Variants in LTBP2 observed in about 807,000 individuals in gnomAD.
LTBP2 encodes latent transforming growth factor beta binding protein 2.
In LTBP2, 103 loss-of-function variants were observed where a neutral mutation model predicts 210.6. That is an observed-to-expected ratio of 0.49 (90% confidence interval 0.42 to 0.58). LTBP2 has a LOEUF of 0.58. Among genes scored for constraint, LTBP2 ranks in the 20% least tolerant of loss-of-function variants. The pLI is 0.00. For synonymous variants in LTBP2, 1,007 were observed against 1,015.0 expected (o/e 0.99, Z 0.15); for missense variants, 2,313 against 2,494.5 (o/e 0.93, Z 1.55).
Position 74,516,795 on chromosome 14 carries a change from G to A in LTBP2, c.2908+27C>T, listed in dbSNP as rs751078040. ...GGACAGGTGGGTGGTGGGGTGGCAG[G>A]GCGCTTCCCTCCTTCCCGTTCCTTA... On this transcript the variant is annotated intron_variant, in intron 18 of 35. Coordinates refer to ENST00000261978, the MANE Select transcript of LTBP2 (RefSeq NM_000428.3). The A allele has an allele frequency of 2.5e-5, 39 of 1,550,472 alleles. No individual in the cohort carries two copies. The African/African-American group carries it at 4.7e-4, about 19-fold the overall frequency.
At chr14:74,548,794 CACTATT>C (rs1230728309) in intron 8 of LTBP2, among the ~76,000 whole-genome samples, 1 of 152,148 alleles carries the variant, frequency 6.6e-6, no homozygotes, top group African/African-American at 2.4e-5. Context: ...ACGAGGCTGG[CACTATT>C]ACTATCTCCA....
rs2086933344 is a variant in LTBP2 at position 74,503,124 on chromosome 14, C to A, written c.4888+95G>T. The A allele has an allele frequency of 9.0e-6, 14 of 1,562,668 alleles. No individual in the cohort carries two copies. In the South Asian group the frequency reaches 1.5e-4, roughly 16 times the overall value. On this transcript the variant is annotated intron_variant, in intron 33 of 35. Transcript: ENST00000261978. Reference sequence around the variant, plus strand: ...GATGGAAGACAGGGCCTTTGCTCTGCTCCTTCTTTCTAGATCCCCAGTTCC... The same window carrying A: ...GATGGAAGACAGGGCCTTTGCTCTGATCCTTCTTTCTAGATCCCCAGTTCC...
intron 15 of LTBP2, among the ~76,000 whole-genome samples, chr14:74,524,080 C>T (rs1290824777): frequency 6.6e-6 from 1 of 151,888 alleles, no homozygotes; most frequent in East Asian, 1.9e-4. Context: ...GCTGGGGTTG[C>T]GGTGGGGACA....
At chr14:74,592,276 C>T (rs1003659670) in intron 2 of LTBP2, among the ~76,000 whole-genome samples, 4 of 152,186 alleles carry the variant, frequency 2.6e-5, no homozygotes, top group Non-Finnish European at 5.9e-5. Flanking sequence ...CCATGCGGTG[C>T]TGTGGGAATT....
intron 13 of LTBP2, among the ~76,000 whole-genome samples, chr14:74,526,582 A>G (rs1020265513): frequency 1.3e-5 from 2 of 152,236 alleles, no homozygotes; most frequent in Admixed American, 1.3e-4. Context: ...ATGTAACAGC[A>G]GAAGAGTGGG....
intron 8 of LTBP2, among the ~76,000 whole-genome samples, chr14:74,539,901 G>A (rs1429517829): frequency 6.6e-6 from 1 of 152,228 alleles, no homozygotes; most frequent in African/African-American, 2.4e-5. Context: ...CTGGATACAT[G>A]TATGTGCTTT....
At position 74,559,172 on chromosome 14, in the gene LTBP2, G is replaced by C. The variant is rs191970139; in HGVS notation, c.831-3479C>G. ...CAAGCAAATAAGAAAACATGACTGG[G>C]CCACTTAAAGTTCTTCTTTAAGGGA... On this transcript the variant is annotated intron_variant, in intron 3 of 35. Transcript: ENST00000261978. Among the ~76,000 whole-genome samples, 293 of 152,298 alleles carry C rather than the reference G, an allele frequency of 1.9e-3. 3 individuals carry two copies. The highest frequency in any genetic ancestry group is 6.4e-3 in the African/African-American group (266 of 41,544).
At position 74,501,041 on chromosome 14, in the gene LTBP2, CAAAGG is replaced by C. The variant is rs1198351700; in HGVS notation, c.5321-17_5321-13del. On this transcript the variant is annotated splice_polypyrimidine_tract_variant and intron_variant, in intron 35 of 35. Transcript: ENST00000261978. ...ACACTCATTCACATCTAAGAGGAAACAAAGGAGAGTGCTGTAGGGAGCCCAGGTGC... is the reference window on the plus strand; with the variant it reads ...ACACTCATTCACATCTAAGAGGAAACAGAGTGCTGTAGGGAGCCCAGGTGC... 1 of 1,611,680 alleles carries C rather than the reference CAAAGG, an allele frequency of 6.2e-7. No homozygotes were observed.
chr14:74,542,419 G>A (rs1218016317), intron 8 of LTBP2, among the ~76,000 whole-genome samples: 2 of 152,264 alleles, frequency 1.3e-5, no homozygotes, highest in East Asian at 3.8e-4. Flanking sequence ...CTGTGGAGGA[G>A]AAAGTGAAGA....
intron 19 of LTBP2, 53 bp from the exon 20 acceptor site, chr14:74,510,266 C>A: frequency 6.2e-7 from 1 of 1,607,434 alleles, no homozygotes; most frequent in South Asian, 1.1e-5. Context: ...ATCCTGCAGC[C>A]CCCGCTGGCA....
intron 2 of LTBP2, among the ~76,000 whole-genome samples, chr14:74,591,560 C>T (rs1265626628): frequency 6.6e-6 from 1 of 152,220 alleles, no homozygotes; most frequent in Non-Finnish European, 1.5e-5. Flanking sequence ...CAGCTCTCGC[C>T]GGCTTCACTC....
At chr14:74,504,527 C>T (rs1275067895) in intron 30 of LTBP2, among the ~76,000 whole-genome samples, 4 of 152,218 alleles carry the variant, frequency 2.6e-5, no homozygotes, top group African/African-American at 9.7e-5. Context: ...GTCAAGGCAT[C>T]ATAGTTTGTT....
chr14:74,598,846 C>T (rs563623803), intron 2 of LTBP2, among the ~76,000 whole-genome samples: 1 of 152,308 alleles, frequency 6.6e-6, no homozygotes, highest in Non-Finnish European at 1.5e-5. Context: ...TGTCTACACA[C>T]ATTTACTCAT....
intron 3 of LTBP2, among the ~76,000 whole-genome samples, chr14:74,574,886 A>G (rs764428981): frequency 2.0e-5 from 3 of 152,232 alleles, no homozygotes; most frequent in Non-Finnish European, 4.4e-5. Flanking sequence ...GGAAGTGTGT[A>G]GAAAGCAGAC....
chr14:74,570,019 G>T (rs921957946), intron 3 of LTBP2, among the ~76,000 whole-genome samples: 6 of 152,182 alleles, frequency 3.9e-5, no homozygotes, highest in African/African-American at 1.4e-4. Context: ...ACCAGAAGTG[G>T]CTGGAGAGCT....
At chr14:74,574,360 C>A (rs923644107) in intron 3 of LTBP2, among the ~76,000 whole-genome samples, 3 of 152,168 alleles carry the variant, frequency 2.0e-5, no homozygotes, top group Non-Finnish European at 2.9e-5. Flanking sequence ...CTCTGGGGAA[C>A]CTCTGCACCC....
intron 3 of LTBP2, among the ~76,000 whole-genome samples, chr14:74,562,330 G>T (rs1163017315): frequency 6.6e-6 from 1 of 152,178 alleles, no homozygotes; most frequent in Non-Finnish European, 1.5e-5. Context: ...AGATTAGAGG[G>T]GAGAGGGGGG....
At chr14:74,551,901 G>A (rs376917789) in intron 6 of LTBP2, among the ~76,000 whole-genome samples, 4 of 152,134 alleles carry the variant, frequency 2.6e-5, no homozygotes, top group African/African-American at 9.7e-5. Context: ...TATTACCCAG[G>A]CCCATGGATT....
At position 74,507,241 on chromosome 14, in the gene LTBP2, G is replaced by A. The variant is rs778931744; in HGVS notation, c.3845C>T (p.Ser1282Phe). Residue 1282 changes from serine to phenylalanine, a missense_variant, in exon 26 of 36, where the codon TCC (serine) becomes TTC (phenylalanine). By Grantham distance (155) the Ser-to-Phe change is radical. This residue lies in a region of LTBP2 where 1,867 missense variants were observed against 1,976.9 expected (regional missense o/e 0.94). Transcript: ENST00000261978. The part of the protein sequence containing the change: ...GTWKCENSPG[S>F]YRCVLGCQPG... ...CTGGCAGCCCAGAACACAGCGGTAGGAGCCAGGGCTGTTTTCACACTTCCA... is the reference window on the plus strand; with the variant it reads ...CTGGCAGCCCAGAACACAGCGGTAGAAGCCAGGGCTGTTTTCACACTTCCA... The A allele has an allele frequency of 4.3e-6, 7 of 1,614,216 alleles. No individual in the cohort carries two copies. In the South Asian group the frequency reaches 6.6e-5, roughly 15 times the overall value.
Sources: allele counts gnomAD v4.1 joint callset (sites outside exome capture counted in the v4.1 genomes callset), GRCh38; gene constraint gnomAD v4.1.1; regional missense constraint gnomAD v4.1.1; transcripts MANE v1.5; gene names NCBI Gene and HGNC (gene_info 2026-07-23, HGNC 2026-07-21).